Variants in KCP observed in about 807,000 individuals in gnomAD.
KCP encodes the protein kielin/chordin-like protein.
KCP carries 194 observed loss-of-function variants against 212.7 expected under a neutral mutation model. The ratio of observed to expected loss-of-function variants is 0.91; its 90% CI spans 0.81 to 1.03. The LOEUF (loss-of-function observed/expected upper bound fraction) is 1.03. KCP is among the 50% of genes least tolerant of loss of function. KCP has a pLI of 0.00. For synonymous variants in KCP, 833 were observed against 865.3 expected (o/e 0.96, Z 0.65); for missense variants, 2,080 against 2,162.5 (o/e 0.96, Z 0.76).
At chr7:128,888,714 G>T in intron 22 of KCP, 149 bp downstream of exon 22, 2 of 734,252 alleles carry the variant, frequency 2.7e-6, no homozygotes, top group Non-Finnish European at 4.4e-6. Flanking sequence ...CCGTGCCCGG[G>T]ACCTCTATCA....
In KCP at chr7:128,877,159, C is replaced by T; in HGVS notation, c.4771G>A (p.Val1591Met). 1 of 1,498,790 alleles carries T rather than the reference C, an allele frequency of 6.7e-7. No homozygotes were observed. Among genetic ancestry groups the T allele is most frequent in the Non-Finnish European group, 8.9e-7 (1 of 1,125,032 alleles). 92.8% of individuals were successfully genotyped at this position (1,498,790 alleles called of 1,614,324 possible). Residue 1591 changes from valine to methionine, a missense_variant, in exon 40 of 40, where the codon GTG becomes ATG. By Grantham distance (21) the Val-to-Met change is conservative (BLOSUM62 1). Coordinates refer to ENST00000610776, the MANE Select transcript of KCP (RefSeq NM_001366122.1). ...VPGCQCPAGL[V>M]EHEAHCIPPE... is the part of the protein sequence containing the mutation. ...GGGATGCAGTGGGCCTCATGCTCCACCAGGCCTGCAGGGCACTGGCAGCCG... is the reference window on the plus strand; with the variant it reads ...GGGATGCAGTGGGCCTCATGCTCCATCAGGCCTGCAGGGCACTGGCAGCCG...
chr7:128,891,774 G>A lies in KCP; in HGVS notation c.1667C>T (p.Ser556Phe), dbSNP rs1220054994. The change falls in exon 17 of 40, where the codon TCC becomes TTC. Residue 556 changes from serine (S) to phenylalanine (F), a missense_variant. Transcript: ENST00000610776. ...EEVFVDGESFSHPRDPCQECR... is the reference protein window; with the variant it reads ...EEVFVDGESFFHPRDPCQECR... ...CTCCTGGCAGGGGTCTCGGGGGTGGGAGAAGCTCTCGCCGTCCACAAACAC... is the reference window on the plus strand; with the variant it reads ...CTCCTGGCAGGGGTCTCGGGGGTGGAAGAAGCTCTCGCCGTCCACAAACAC... 6.9e-7 allele frequency: 1 copy of A among 1,450,382 alleles called. No homozygotes were observed. The allele number at this position is 1,450,382 out of a possible 1,614,324, so 89.8% of individuals were successfully genotyped here. A position where few individuals can be genotyped will look rare whatever the true frequency, so the allele number is the denominator to read the frequency against.
chr7:128,904,164 T>G, intron 5 of KCP, 26 bp from the exon 6 acceptor site: 1 of 1,546,718 alleles, frequency 6.5e-7, no homozygotes. Context: ...GGATGACAAG[T>G]GGGTCACCAG....
At position 128,876,951 on chromosome 7, in the gene KCP, G is replaced by T; in HGVS notation, c.*92C>A. 1 of 1,430,352 alleles carries T rather than the reference G, an allele frequency of 7.0e-7. No homozygotes were observed. The highest frequency in any genetic ancestry group is 9.3e-7 in the Non-Finnish European group (1 of 1,077,284). The allele number at this position is 1,430,352 out of a possible 1,614,324, so 88.6% of individuals were successfully genotyped here. A position where few individuals can be genotyped will look rare whatever the true frequency, so the allele number is the denominator to read the frequency against. On this transcript the variant is annotated 3_prime_UTR_variant, in exon 40 of 40. Transcript: ENST00000610776. ...GGGCCCAGGCTCCAGTGTCCAGGCAGGGCATTCTCTCCATAGCCCTAACCA... is the reference window on the plus strand; with the variant it reads ...GGGCCCAGGCTCCAGTGTCCAGGCATGGCATTCTCTCCATAGCCCTAACCA...
chr7:128,896,038 C>T (rs1044196396), intron 8 of KCP, among the ~76,000 whole-genome samples: 8 of 152,270 alleles, frequency 5.3e-5, no homozygotes, highest in Non-Finnish European at 1.2e-4. Flanking sequence ...TGGATCAGGA[C>T]TCCTTTCCTG....
chr7:128,893,859 A>C lies in KCP; in HGVS notation c.1046T>G (p.Val349Gly), dbSNP rs1332457042. 2 of 1,551,212 alleles carry C rather than the reference A, an allele frequency of 1.3e-6. No individual in the cohort carries two copies. Residue 349 changes from valine to glycine, a missense_variant, in exon 11 of 40, where the codon GTG becomes GGG. Transcript: ENST00000610776. ...VQCEPLPCPP[V>G]PCRHPGKIPG... ...GATCTTGCCTGGGTGTCTGCAGGGC[A>C]CTGGCGGGCAGGGCAGAGGCTCACA...
At position 128,881,279 on chromosome 7, in the gene KCP, T is replaced by C. The variant is rs551419304; in HGVS notation, c.3425-194A>G. Reference sequence around the variant, plus strand: ...CTCACATCAGAGCTCAGGATGTCTCTAGGGTCCTAGGAGCCCAAAGGGCCA... The same window carrying C: ...CTCACATCAGAGCTCAGGATGTCTCCAGGGTCCTAGGAGCCCAAAGGGCCA... On this transcript the variant is annotated intron_variant, in intron 31 of 39. Coordinates refer to ENST00000610776, the MANE Select transcript of KCP (RefSeq NM_001366122.1). Among the ~76,000 whole-genome samples, 4 of 152,334 alleles carry C rather than the reference T, an allele frequency of 2.6e-5. No homozygotes were observed. In the South Asian group the frequency reaches 8.3e-4, roughly 32 times the overall value.
intron 22 of KCP, among the ~76,000 whole-genome samples, chr7:128,888,022 CACACACACACAT>C (rs759856249): frequency 0.067 from 9,298 of 139,244 alleles, 381 homozygotes; most frequent in Non-Finnish European, 0.095. Flanking sequence ...CACACACAGC[CACACACACACAT>C]ACACACACAC....
At chr7:128,907,629 G>T (rs1274566936) in intron 2 of KCP, among the ~76,000 whole-genome samples, 176 bp from the exon 3 acceptor site, 1 of 152,296 alleles carries the variant, frequency 6.6e-6, no homozygotes, top group East Asian at 1.9e-4. Context: ...AGGGGGGCAC[G>T]GGCCCCAATC....
chr7:128,888,834 G>T, intron 22 of KCP, 29 bp downstream of exon 22: 1 of 1,541,414 alleles, frequency 6.5e-7, no homozygotes, highest in South Asian at 1.2e-5. Context: ...GCCCCAGCAG[G>T]GGGAATGGAA....
rs558559774 is a variant in KCP at position 128,889,064 on chromosome 7, C to T, written c.2336-25G>A. ...CCTTTCAGAGAAGAGACAGAGAGGC[C>T]GAGGGGAGGGACAGAAAGGGATGAG... On this transcript the variant is annotated intron_variant, in intron 21 of 39. Transcript: ENST00000610776. 12 of 1,463,858 alleles carry T rather than the reference C, an allele frequency of 8.2e-6. No homozygotes were observed. The East Asian group carries it at 2.3e-4, about 28-fold the overall frequency. 90.7% of individuals were successfully genotyped at this position (1,463,858 alleles called of 1,614,324 possible).
At position 128,878,602 on chromosome 7, in the gene KCP, C is replaced by G; in HGVS notation, c.4267G>C (p.Gly1423Arg). The G allele has an allele frequency of 1.9e-6, 3 of 1,551,550 alleles. No homozygotes were observed. The highest frequency in any genetic ancestry group is 2.6e-6 in the Non-Finnish European group (3 of 1,147,000). The change falls in exon 38 of 40, where the codon GGG becomes CGG. Residue 1423 changes from glycine to arginine, a missense_variant. Coordinates refer to ENST00000610776, the MANE Select transcript of KCP (RefSeq NM_001366122.1). ...FAQDDLQGPE[G>R]LLLPSEAAFG... is the part of the protein sequence containing the mutation. ...GCAGCCTCCGAGGGCAGGAGCAGCC[C>G]CTCAGGGCCCTGCAGATCGTCCTGG...
chr7:128,901,940 T>A (rs1794871940), intron 8 of KCP, among the ~76,000 whole-genome samples: 1 of 152,232 alleles, frequency 6.6e-6, no homozygotes, highest in African/African-American at 2.4e-5. Flanking sequence ...GCTCAAATCC[T>A]ACTTACCCTT....
chr7:128,905,364 T>TCC (rs1157148473), intron 5 of KCP, among the ~76,000 whole-genome samples: 4 of 152,222 alleles, frequency 2.6e-5, no homozygotes, highest in African/African-American at 9.6e-5. Flanking sequence ...GGCAACACTA[T>TCC]CACCTTATGA....
rs67147448 is a variant in KCP at position 128,880,703 on chromosome 7, G to A, written c.3532C>T (p.His1178Tyr). 90,691 of 456,462 alleles carry A rather than the reference G, an allele frequency of 0.2. 12,039 individuals carry two copies. The highest frequency in any genetic ancestry group is 0.48 in the African/African-American group (23,680 of 49,516). 28.3% of individuals were successfully genotyped at this position (456,462 alleles called of 1,614,324 possible). ...GAGAGGGCCTGGCACTCCTCGAGGTGGCACTCCACATGGCCCCGCTGAGGA... is the reference window on the plus strand; with the variant it reads ...GAGAGGGCCTGGCACTCCTCGAGGTAGCACTCCACATGGCCCCGCTGAGGA... ...CTCHRGHVEC[H>Y]LEECQALSCP... The change falls in exon 33 of 40, where the codon CAC becomes TAC. Residue 1178 changes from histidine to tyrosine, a missense_variant. Coordinates refer to ENST00000610776, the MANE Select transcript of KCP (RefSeq NM_001366122.1).
rs897044222 is a variant in KCP, at chr7:128,879,498, C to T, written c.4146+24G>A. 3.2e-6 allele frequency: 5 copies of T among 1,541,892 alleles called. No homozygotes were observed. In the African/African-American group the frequency reaches 6.9e-5, roughly 21 times the overall value. ...ACTGAAGCTCCCAGCAGGCAGCCCACCCAGACTCGCCCTGGAGCCGCACCT... is the reference window on the plus strand; with the variant it reads ...ACTGAAGCTCCCAGCAGGCAGCCCATCCAGACTCGCCCTGGAGCCGCACCT... On this transcript the variant is annotated intron_variant, in intron 37 of 39. Coordinates refer to ENST00000610776, the MANE Select transcript of KCP (RefSeq NM_001366122.1).
rs1389875098 is a variant in KCP, at chr7:128,893,495, G to T, written c.1100-19C>A. ...TCACAGCCTGGATGGGATGACAGGG[G>T]CGTGGGGGTATAGGGCTGGAGGCAG... On this transcript the variant is annotated intron_variant, in intron 11 of 39. Transcript: ENST00000610776. 5 of 1,517,440 alleles carry T rather than the reference G, an allele frequency of 3.3e-6. No individual in the cohort carries two copies. The Middle Eastern group carries it at 8.4e-4, about 256-fold the overall frequency. 94.0% of individuals were successfully genotyped at this position (1,517,440 alleles called of 1,614,324 possible). A position where few individuals can be genotyped will look rare whatever the true frequency, so the allele number is the denominator to read the frequency against.
chr7:128,903,639 T>C (rs886795042), intron 7 of KCP, 88 bp downstream of exon 7: 10 of 1,128,702 alleles, frequency 8.9e-6, no homozygotes, highest in African/African-American at 4.7e-5. Context: ...CCAAACCCAC[T>C]GGAGGCCGGC....
chr7:128,880,541 G>C lies in KCP; in HGVS notation c.3617-13C>G. 1.4e-6 allele frequency: 2 copies of C among 1,429,012 alleles called. No individual in the cohort carries two copies. The highest frequency in any genetic ancestry group is 9.3e-7 in the Non-Finnish European group (1 of 1,081,028). The allele number at this position is 1,429,012 out of a possible 1,614,324, so 88.5% of individuals were successfully genotyped here. A position where few individuals can be genotyped will look rare whatever the true frequency, so the allele number is the denominator to read the frequency against. On this transcript the variant is annotated splice_polypyrimidine_tract_variant and intron_variant, in intron 33 of 39. Transcript: ENST00000610776. ...GACTGGGTGGGAGCTGAAGGGATAG[G>C]AGCTGGGAGGGTCAGCTGCTCCTCC...
Sources: gnomAD v4.1 joint callset for allele counts (sites outside exome capture counted in the v4.1 genomes callset) on GRCh38, gnomAD v4.1.1 for gene constraint, MANE v1.5 for transcripts, NCBI Gene and HGNC (gene_info 2026-07-23, HGNC 2026-07-21) for gene names.